ARMC10: variants seen among roughly 807,000 people sequenced by gnomAD.
ARMC10 encodes armadillo repeat-containing protein 10.
Under a neutral mutation model 30.2 loss-of-function variants are expected in ARMC10, and 23 were observed. The observed-to-expected ratio is 0.76, with a 90% CI of 0.55 to 1.08. ARMC10 has a LOEUF of 1.08. ARMC10 is among the 50% of genes least tolerant of loss of function. The probability of loss-of-function intolerance (pLI) is 0.00; values close to 1 mark genes in which losing one functional copy is unlikely to be tolerated. For missense variants in ARMC10, 303 were observed against 413.7 expected (o/e 0.73, Z 2.32); for synonymous variants, 111 against 164.4 (o/e 0.68, Z 2.48).
intron 5 of ARMC10, among the ~76,000 whole-genome samples, chr7:103,095,096 T>TAAAACTTTTCTTTCTC (rs1185500649): frequency 5.9e-5 from 9 of 152,186 alleles, no homozygotes; most frequent in Middle Eastern, 3.2e-3. Context: ...AAGAAAATAC[T>TAAAACTTTTCTTTCTC]AAAACTTTTC....
intron 2 of ARMC10, among the ~76,000 whole-genome samples, chr7:103,080,866 TC>T (rs1243162504): frequency 1.3e-5 from 2 of 152,086 alleles, no homozygotes; most frequent in Non-Finnish European, 2.9e-5. Context: ...AACCTCGTGA[TC>T]CGCCCATCTC....
intron 2 of ARMC10, among the ~76,000 whole-genome samples, chr7:103,079,223 G>A (rs1031541569): frequency 1.3e-5 from 2 of 151,804 alleles, no homozygotes; most frequent in Non-Finnish European, 2.9e-5. Context: ...AATATACCAA[G>A]GCCAAATGGA....
At chr7:103,075,458 G>A in intron 1 of ARMC10, 47 bp downstream of exon 1, 1 of 1,275,474 alleles carries the variant, frequency 7.8e-7, no homozygotes, top group Non-Finnish European at 9.9e-7. Flanking sequence ...TGGGCAGGGG[G>A]GCTCCCCAGG....
intron 5 of ARMC10, 148 bp downstream of exon 5, chr7:103,092,801 A>G (rs138963171): frequency 1.7e-5 from 9 of 540,896 alleles, no homozygotes; most frequent in Middle Eastern, 4.0e-4. Flanking sequence ...CAAATATTCC[A>G]TTGCAAAATT....
intron 3 of ARMC10, among the ~76,000 whole-genome samples, 194 bp from the exon 4 acceptor site, chr7:103,086,435 TC>T (rs1800859949): frequency 6.6e-6 from 1 of 152,154 alleles, no homozygotes; most frequent in Non-Finnish European, 1.5e-5. Flanking sequence ...AATCTTATTT[TC>T]AATGGATTTT....
At chr7:103,084,158 T>A in intron 3 of ARMC10, 1 of 651,726 alleles carries the variant, frequency 1.5e-6, no homozygotes, top group Non-Finnish European at 2.3e-6. Flanking sequence ...ATCTAACATT[T>A]AAGTACATAC....
chr7:103,075,493 C>G (rs1799638699), intron 1 of ARMC10, 82 bp downstream of exon 1: 1 of 1,231,760 alleles, frequency 8.1e-7, no homozygotes, highest in East Asian at 3.0e-5. Flanking sequence ...TGCGTGTGCT[C>G]GGGGTAAAAT....
intron 2 of ARMC10, among the ~76,000 whole-genome samples, chr7:103,078,923 C>A (rs1800134176): frequency 6.6e-6 from 1 of 152,110 alleles, no homozygotes; most frequent in Admixed American, 6.6e-5. Context: ...TTGGGAGAAA[C>A]CCTTGAGCCC....
chr7:103,087,526 T>C (rs1435280128), intron 4 of ARMC10, among the ~76,000 whole-genome samples: 4 of 152,158 alleles, frequency 2.6e-5, no homozygotes, highest in African/African-American at 9.6e-5. Flanking sequence ...GTGATACCCC[T>C]TGGTTATAGA....
At position 103,098,693 on chromosome 7, in the gene ARMC10, G is replaced by T. The variant is rs1801990578; in HGVS notation, c.*140G>T. On this transcript the variant is annotated 3_prime_UTR_variant, in exon 7 of 7. Transcript: ENST00000323716. ...ATTAACACAGCTATAACTTGCCGTGGTTCTCAGATTTATTTTGGACTATTT... is the reference window on the plus strand; with the variant it reads ...ATTAACACAGCTATAACTTGCCGTGTTTCTCAGATTTATTTTGGACTATTT... 1 of 1,387,640 alleles carries T rather than the reference G, an allele frequency of 7.2e-7. No individual in the cohort carries two copies. The highest frequency in any genetic ancestry group is 9.6e-7 in the Non-Finnish European group (1 of 1,045,250). 86.0% of individuals were successfully genotyped at this position (1,387,640 alleles called of 1,614,324 possible).
chr7:103,092,268 G>A (rs1345606784), intron 4 of ARMC10, among the ~76,000 whole-genome samples: 1 of 142,402 alleles, frequency 7.0e-6, no homozygotes, highest in African/African-American at 2.6e-5. Context: ...AGGAGGCGGA[G>A]CTTGCAGTAA....
At chr7:103,094,600 C>T (rs1163967442) in intron 5 of ARMC10, among the ~76,000 whole-genome samples, 1 of 152,178 alleles carries the variant, frequency 6.6e-6, no homozygotes, top group African/African-American at 2.4e-5. Context: ...CATCCTATTT[C>T]ATACCTCCTG....
intron 3 of ARMC10, among the ~76,000 whole-genome samples, chr7:103,086,047 T>TC (rs1356784585): frequency 6.6e-6 from 1 of 152,164 alleles, no homozygotes; most frequent in Non-Finnish European, 1.5e-5. Flanking sequence ...AACACACCCC[T>TC]CTTCAAGATT....
chr7:103,085,170 T>C (rs541129710), intron 3 of ARMC10, among the ~76,000 whole-genome samples: 2 of 124,410 alleles, frequency 1.6e-5, no homozygotes, highest in East Asian at 5.0e-4. Flanking sequence ...AGTAGGCCAG[T>C]ACCCACTGGA....
At chr7:103,092,103 C>T (rs969797735) in intron 4 of ARMC10, among the ~76,000 whole-genome samples, 30 of 152,168 alleles carry the variant, frequency 2.0e-4, no homozygotes, top group African/African-American at 7.0e-4. Flanking sequence ...GAGGCCGAGG[C>T]GGGCGGATCG....
chr7:103,094,730 G>A (rs1040554854), intron 5 of ARMC10, among the ~76,000 whole-genome samples: 3 of 152,104 alleles, frequency 2.0e-5, no homozygotes, highest in Non-Finnish European at 4.4e-5. Flanking sequence ...TGACCTCCAC[G>A]GAGTGCACTA....
At chr7:103,076,195 G>A (rs1799790340) in intron 2 of ARMC10, among the ~76,000 whole-genome samples, 1 of 152,120 alleles carries the variant, frequency 6.6e-6, no homozygotes, top group Admixed American at 6.5e-5. Context: ...AATGTAGCTG[G>A]ACAGATAGAA....
At chr7:103,095,894 T>C (rs1322405387) in intron 5 of ARMC10, 1 of 122,022 alleles carries the variant, frequency 8.2e-6, no homozygotes, top group Admixed American at 1.1e-4. Context: ...TGAGAACACA[T>C]GGACACAGGA....
intron 2 of ARMC10, among the ~76,000 whole-genome samples, chr7:103,082,684 ATTG>A (rs1424042014): frequency 6.6e-6 from 1 of 152,034 alleles, no homozygotes; most frequent in Non-Finnish European, 1.5e-5. Flanking sequence ...TGTAACACCT[ATTG>A]TTGTGTAACC....
Sources: allele counts gnomAD v4.1 joint callset (sites outside exome capture counted in the v4.1 genomes callset), GRCh38; gene constraint gnomAD v4.1.1; transcripts MANE v1.5; gene names NCBI Gene and HGNC (gene_info 2026-07-23, HGNC 2026-07-21).